TEX19: variants seen among roughly 807,000 people sequenced by gnomAD.
TEX19 encodes the protein testis-expressed protein 19.
For missense variants in TEX19, 184 were observed against 194.4 expected (o/e 0.95, Z 0.32); for synonymous variants, 77 against 73.9 (o/e 1.04, Z -0.21).
chr17:82,360,244 TC>T, intron 1 of TEX19, among the ~76,000 whole-genome samples: 1 of 45,122 alleles, frequency 2.2e-5, no homozygotes, highest in Admixed American at 2.6e-4. Context: ...TCCCTCAGGT[TC>T]CCCCAGTTTC....
rs1187168976 is a variant in TEX19 at position 82,362,595 on chromosome 17, T to C, written c.445T>C (p.Phe149Leu). The change falls in exon 2 of 2, where the codon TTT (phenylalanine) becomes CTT (leucine). Residue 149 changes from phenylalanine (F) to leucine (L), a missense_variant. Phe to Leu is a conservative substitution (Grantham distance 22). Transcript: ENST00000333437. This position sits in a 1 kb window ranked among gnomAD's most constrained non-coding sequence, Gnocchi z 5.5. The part of the protein sequence containing the change: ...ADWTQGLPWR[F>L]EELLTCSHWP... ...CTGGACCCAGGGTCTTCCCTGGAGA[T>C]TTGAGGAGCTTCTTACCTGCTCACA... 1 of 1,590,068 alleles carries C rather than the reference T, an allele frequency of 6.3e-7. No individual in the cohort carries two copies. The highest frequency in any genetic ancestry group is 1.9e-5 in the Admixed American group (1 of 53,944).
rs1350136595 is a variant in TEX19, at chr17:82,361,662, G to A, written c.-271-218G>A. On this transcript the variant is annotated intron_variant, in intron 1 of 1. Coordinates refer to ENST00000333437, the MANE Select transcript of TEX19 (RefSeq NM_207459.4). ...CAGGTTCTGTCAGGTGAAGCTGATG[G>A]GCTGTTGGGGTCCCTGAGGTGTAGG... is the stretch of plus-strand genomic sequence containing the variant. The A allele has an allele frequency of 3.0e-6, 3 of 985,288 alleles. No homozygotes were observed. The African/African-American group carries it at 5.2e-5, about 17-fold the overall frequency. The allele number at this position is 985,288 out of a possible 1,614,324, so 61.0% of individuals were successfully genotyped here. A position where few individuals can be genotyped will look rare whatever the true frequency, so the allele number is the denominator to read the frequency against.
chr17:82,360,408 C>G (rs2052375934), intron 1 of TEX19, among the ~76,000 whole-genome samples: 1 of 103,340 alleles, frequency 9.7e-6, no homozygotes, highest in Non-Finnish European at 1.9e-5. Context: ...CCCAGTTTCC[C>G]TCAGGTTCCC....
chr17:82,360,039 TTTCCCC>T (rs2052370127), intron 1 of TEX19, among the ~76,000 whole-genome samples: 19 of 115,882 alleles, frequency 1.6e-4, no homozygotes, highest in South Asian at 3.0e-4. Flanking sequence ...GTTCCCCCAG[TTTCCCC>T]CAGGTTCCCC....
At chr17:82,359,909 TCCCCC>T (rs2052367454) in intron 1 of TEX19, among the ~76,000 whole-genome samples, 3 of 118,594 alleles carry the variant, frequency 2.5e-5, no homozygotes, top group African/African-American at 1.1e-4. Context: ...TCCCTCAGGT[TCCCCC>T]AGTTTCCCTC....
Position 82,363,155 on chromosome 17 carries a change from C to T in TEX19, c.*510C>T, listed in dbSNP as rs183343522. 345 of 167,264 alleles carry T rather than the reference C, an allele frequency of 2.1e-3. No homozygotes were observed. Among genetic ancestry groups the T allele is most frequent in the Admixed American group, 2.1e-3 (32 of 15,372 alleles). The allele number at this position is 167,264 out of a possible 1,614,324, so 10.4% of individuals were successfully genotyped here. A position where few individuals can be genotyped will look rare whatever the true frequency, so the allele number is the denominator to read the frequency against. On this transcript the variant is annotated 3_prime_UTR_variant, in exon 2 of 2. Coordinates refer to ENST00000333437, the MANE Select transcript of TEX19 (RefSeq NM_207459.4). ...GAAAGCCTGGCTGTTGCAGGAGCCT[C>T]GGCCATGGGGGAGCTGCCCTGTTTC...
Position 82,361,896 on chromosome 17 carries a change from G to A in TEX19, c.-255G>A. The A allele has an allele frequency of 2.8e-6, 2 of 725,626 alleles. No individual in the cohort carries two copies. The highest frequency in any genetic ancestry group is 2.0e-6 in the Non-Finnish European group (1 of 496,582). 44.9% of individuals were successfully genotyped at this position (725,626 alleles called of 1,614,324 possible). The stretch of plus-strand genomic sequence containing the variant: ...CCTTTCCAGCTCTCCTGAGACCACA[G>A]CAACTGCAGAAGCTGAAGACATTTC... On this transcript the variant is annotated 5_prime_UTR_variant, in exon 2 of 2. Transcript: ENST00000333437.
chr17:82,359,580 GTTCCCTCAGT>G (rs2052359503), intron 1 of TEX19, among the ~76,000 whole-genome samples: 1 of 119,696 alleles, frequency 8.4e-6, no homozygotes, highest in Non-Finnish European at 1.7e-5. Context: ...TTTCCCTCAG[GTTCCCTCAGT>G]TTCCCTCAAG....
chr17:82,359,873 CAA>C (rs2052366729), intron 1 of TEX19, among the ~76,000 whole-genome samples: 1 of 139,666 alleles, frequency 7.2e-6, no homozygotes, highest in South Asian at 2.5e-4. Flanking sequence ...CAGTTTCCCT[CAA>C]GTTTCCCTCG....
chr17:82,361,970 C>T lies in TEX19; in HGVS notation c.-181C>T. 1 of 863,766 alleles carries T rather than the reference C, an allele frequency of 1.2e-6. No homozygotes were observed. Among genetic ancestry groups the T allele is most frequent in the Non-Finnish European group, 1.7e-6 (1 of 581,252 alleles). The allele number at this position is 863,766 out of a possible 1,614,324, so 53.5% of individuals were successfully genotyped here. On this transcript the variant is annotated 5_prime_UTR_variant, in exon 2 of 2. Transcript: ENST00000333437. Reference sequence around the variant, plus strand: ...TGCAGGTCCCCACTGAGCTGGGACCCAGGTCATCCACCCCACCCCAAATCC... The same window carrying T: ...TGCAGGTCCCCACTGAGCTGGGACCTAGGTCATCCACCCCACCCCAAATCC...
chr17:82,360,730 C>T (rs1350244854), intron 1 of TEX19, among the ~76,000 whole-genome samples: 86 of 118,028 alleles, frequency 7.3e-4, no homozygotes, highest in Admixed American at 1.4e-3. Context: ...CCTCAAGTTT[C>T]CCTCAGGTTC....
At position 82,363,349 on chromosome 17, in the gene TEX19, GA is replaced by G. The variant is rs1432932253; in HGVS notation, c.*705del. ...TGGGGAGCAACTTTAGGGGCTGGGA[GA>G]TAGGGCCTGTTGTGGCCTCAGAGGG... On this transcript the variant is annotated 3_prime_UTR_variant, in exon 2 of 2. Coordinates refer to ENST00000333437, the MANE Select transcript of TEX19 (RefSeq NM_207459.4). 1.8e-5 allele frequency: 3 copies of G among 167,074 alleles called. No individual in the cohort carries two copies. Among genetic ancestry groups the G allele is most frequent in the Non-Finnish European group, 4.4e-5 (3 of 68,140 alleles). 10.3% of individuals were successfully genotyped at this position (167,074 alleles called of 1,614,324 possible). A position where few individuals can be genotyped will look rare whatever the true frequency, so the allele number is the denominator to read the frequency against.
Position 82,362,008 on chromosome 17 carries a change from C to G in TEX19, c.-143C>G. 8.7e-7 allele frequency: 1 copy of G among 1,155,642 alleles called. No individual in the cohort carries two copies. Among genetic ancestry groups the G allele is most frequent in the South Asian group, 1.5e-5 (1 of 65,424 alleles). 71.6% of individuals were successfully genotyped at this position (1,155,642 alleles called of 1,614,324 possible). On this transcript the variant is annotated 5_prime_UTR_variant, in exon 2 of 2. Coordinates refer to ENST00000333437, the MANE Select transcript of TEX19 (RefSeq NM_207459.4). The surrounding 1 kb of genome is among the most constrained non-coding windows in gnomAD (Gnocchi z 5.5). ...CCACCCCAAATCCCTGGATAGGAAACCCCTTTCTCCTCCTGCTCCTTGTCC... is the reference window on the plus strand; with the variant it reads ...CCACCCCAAATCCCTGGATAGGAAAGCCCTTTCTCCTCCTGCTCCTTGTCC...
At chr17:82,359,903 T>C (rs1415878940) in intron 1 of TEX19, among the ~76,000 whole-genome samples, 5 of 95,530 alleles carry the variant, frequency 5.2e-5, no homozygotes, top group Non-Finnish European at 8.1e-5. Flanking sequence ...CCAGTTTCCC[T>C]CAGGTTCCCC....
intron 1 of TEX19, among the ~76,000 whole-genome samples, chr17:82,360,055 C>T (rs574479834): frequency 6.9e-4 from 68 of 98,996 alleles, no homozygotes; most frequent in Non-Finnish European, 9.2e-4. Flanking sequence ...CCAGGTTCCC[C>T]CAGTTTCCCC....
Position 82,362,744 on chromosome 17 carries a change from A to T in TEX19, c.*99A>T. 1 of 1,417,744 alleles carries T rather than the reference A, an allele frequency of 7.1e-7. No individual in the cohort carries two copies. 87.8% of individuals were successfully genotyped at this position (1,417,744 alleles called of 1,614,324 possible). On this transcript the variant is annotated 3_prime_UTR_variant, in exon 2 of 2. Coordinates refer to ENST00000333437, the MANE Select transcript of TEX19 (RefSeq NM_207459.4). This position sits in a 1 kb window ranked among gnomAD's most constrained non-coding sequence, Gnocchi z 5.5. ...ACCCTGCCGAGGCTGAGGCCTAGTT[A>T]CTGGCCCTGCAGCTTGTCTCCATGG...
intron 1 of TEX19, among the ~76,000 whole-genome samples, chr17:82,359,913 C>T (rs111211189): frequency 1.1e-3 from 124 of 109,004 alleles, no homozygotes; most frequent in African/African-American, 3.3e-3. Context: ...TCAGGTTCCC[C>T]CAGTTTCCCT....
At position 82,362,109 on chromosome 17, in the gene TEX19, A is replaced by T. The variant is rs748911157; in HGVS notation, c.-42A>T. ...ACCGTCCAAGATCCTCTGAAGGCCC[A>T]GCTCTTGCTGTCCACCCCGGCAGTA... On this transcript the variant is annotated 5_prime_UTR_variant, in exon 2 of 2. Transcript: ENST00000333437. This position sits in a 1 kb window ranked among gnomAD's most constrained non-coding sequence, Gnocchi z 5.5. The T allele has an allele frequency of 1.9e-6, 3 of 1,566,070 alleles. No homozygotes were observed. The highest frequency in any genetic ancestry group is 2.6e-6 in the Non-Finnish European group (3 of 1,159,256).
chr17:82,361,259 G>A (rs1188240312), intron 1 of TEX19, among the ~76,000 whole-genome samples: 1 of 16,022 alleles, frequency 6.2e-5, no homozygotes, highest in East Asian at 1.9e-3. Flanking sequence ...GTTTCCCTCA[G>A]GTTCCCCCAG....
Sources: gnomAD v4.1 joint callset for allele counts (sites outside exome capture counted in the v4.1 genomes callset) on GRCh38, gnomAD v4.1.1 for gene constraint, Gnocchi (gnomAD v3.1) non-coding constraint, MANE v1.5 for transcripts, NCBI Gene and HGNC (gene_info 2026-07-23, HGNC 2026-07-21) for gene names.